The following STK4 variants were observed in gnomAD, a reference collection of about 807,000 sequenced individuals.
The protein encoded by STK4 is serine/threonine kinase 4.
Under a neutral mutation model 64.9 loss-of-function variants are expected in STK4, and 30 were observed. The ratio of observed to expected loss-of-function variants is 0.46; its 90% CI spans 0.35 to 0.63. The LOEUF (loss-of-function observed/expected upper bound fraction) is 0.63. STK4 is among the 20% of genes least tolerant of loss of function. The probability of loss-of-function intolerance (pLI) is 0.01; values close to 1 mark genes in which losing one functional copy is unlikely to be tolerated. For synonymous variants in STK4, 177 were observed against 199.0 expected, an observed-to-expected ratio of 0.89 and a Z score of 0.93; for missense variants, 466 against 598.5, an observed-to-expected ratio of 0.78 and a Z score of 2.31.
chr20:45,006,768 G>A (rs1601251765), intron 9 of STK4, among the ~76,000 whole-genome samples: 3 of 152,230 alleles, frequency 2.0e-5, no homozygotes, highest in South Asian at 2.1e-4. Flanking sequence ...CTTACCTACC[G>A]AAGCAGAAGC....
intron 7 of STK4, among the ~76,000 whole-genome samples, chr20:44,999,796 A>G (rs1034186480): frequency 2.6e-5 from 4 of 152,232 alleles, no homozygotes; most frequent in Non-Finnish European, 5.9e-5. Context: ...TGGAAATGCT[A>G]CCATAGAAAG....
chr20:44,995,298 T>C, intron 6 of STK4, 41 bp downstream of exon 6: 1 of 1,571,382 alleles, frequency 6.4e-7, no homozygotes, highest in Non-Finnish European at 8.6e-7. Context: ...GGTTAGTTAC[T>C]GATCATCATT....
chr20:45,006,418 C>T (rs2067946850), intron 9 of STK4, among the ~76,000 whole-genome samples: 2 of 151,452 alleles, frequency 1.3e-5, no homozygotes, highest in South Asian at 2.1e-4. Context: ...AGATTTTTTT[C>T]TGTTTATCTC....
intron 10 of STK4, among the ~76,000 whole-genome samples, chr20:45,041,677 G>A (rs993699830): frequency 4.4e-5 from 6 of 137,064 alleles, no homozygotes; most frequent in South Asian, 2.3e-4. Context: ...TGTTTTAAGC[G>A]TGTTTAGCTT....
intron 1 of STK4, among the ~76,000 whole-genome samples, chr20:44,970,889 T>TTGTGTGTG (rs60332680): frequency 6.8e-6 from 1 of 148,050 alleles, no homozygotes; most frequent in African/African-American, 2.5e-5. Context: ...AGGTACACAT[T>TTGTGTGTG]TGTGTGTGTG....
intron 9 of STK4, among the ~76,000 whole-genome samples, chr20:45,013,229 G>A (rs1262982989): frequency 6.6e-6 from 1 of 151,968 alleles, no homozygotes; most frequent in Non-Finnish European, 1.5e-5. Flanking sequence ...TTTTGCAGCA[G>A]AATTTGGTCG....
In STK4 at chr20:45,000,385, CT is replaced by C. The variant is rs1281755159; in HGVS notation, c.832-3del. 2.5e-6 allele frequency: 4 copies of C among 1,612,532 alleles called. No individual in the cohort carries two copies. In the African/African-American group the frequency reaches 5.3e-5, roughly 22 times the overall value. ...TGTCTCCAGTATTTTCTACTTTGTT[CT>C]TTTAGCACCCATTTGTCAGGAGTGC... On this transcript the variant is annotated splice_region_variant and splice_polypyrimidine_tract_variant and intron_variant, in intron 7 of 10. Transcript: ENST00000372806.
intron 2 of STK4, chr20:44,975,298 T>C (rs2067320061): frequency 1.1e-6 from 1 of 950,994 alleles, no homozygotes; most frequent in African/African-American, 1.8e-5. Flanking sequence ...TGAAATCTTC[T>C]AACCACCCCC....
At chr20:45,025,888 G>A (rs2068335515) in intron 10 of STK4, among the ~76,000 whole-genome samples, 1 of 152,200 alleles carries the variant, frequency 6.6e-6, no homozygotes, top group South Asian at 2.1e-4. Context: ...GGCCTGTCTA[G>A]TTCTGGCTTT....
chr20:45,037,751 T>C (rs1013716095), intron 10 of STK4, among the ~76,000 whole-genome samples: 28 of 152,132 alleles, frequency 1.8e-4, no homozygotes, highest in Non-Finnish European at 3.8e-4. Context: ...TGAGATTTCT[T>C]TGGGTTTTTA....
At position 44,981,963 on chromosome 20, in the gene STK4, C is replaced by A; in HGVS notation, c.360+20C>A. On this transcript the variant is annotated intron_variant, in intron 4 of 10. Transcript: ENST00000372806. ...AAAACGGTAGGTTTACCTTCTAGAA[C>A]ATGCAACTGAGCTAGTTTCTTATGC... The A allele has an allele frequency of 6.5e-7, 1 of 1,530,438 alleles. No individual in the cohort carries two copies. Among genetic ancestry groups the A allele is most frequent in the Non-Finnish European group, 9.1e-7 (1 of 1,104,168 alleles). The allele number at this position is 1,530,438 out of a possible 1,614,324, so 94.8% of individuals were successfully genotyped here. A position where few individuals can be genotyped will look rare whatever the true frequency, so the allele number is the denominator to read the frequency against.
intron 9 of STK4, among the ~76,000 whole-genome samples, chr20:45,020,464 GTGTATGTTTATGTT>G (rs746682937): frequency 4.3e-4 from 41 of 94,532 alleles, no homozygotes; most frequent in African/African-American, 1.3e-3. Context: ...GTGTGTGTGT[GTGTATGTTTATGTT>G]TATGTTTATG....
chr20:45,021,412 A>G (rs932320091), intron 9 of STK4, among the ~76,000 whole-genome samples: 1 of 152,226 alleles, frequency 6.6e-6, no homozygotes, highest in Non-Finnish European at 1.5e-5. Flanking sequence ...TGTCTTCTTC[A>G]TATAAACTTA....
intron 2 of STK4, chr20:44,974,365 C>T (rs2067302379): frequency 6.6e-6 from 1 of 152,196 alleles, no homozygotes; most frequent in Non-Finnish European, 1.5e-5. Flanking sequence ...TCTGGTATTT[C>T]TTGGATTTCT....
At chr20:45,020,678 T>A (rs2068231123) in intron 9 of STK4, among the ~76,000 whole-genome samples, 1 of 152,166 alleles carries the variant, frequency 6.6e-6, no homozygotes, top group South Asian at 2.1e-4. Flanking sequence ...CTCTGCTCTG[T>A]GGTCAGCTGG....
chr20:44,975,375 A>C (rs960042000), intron 2 of STK4: 8 of 984,488 alleles, frequency 8.1e-6, no homozygotes, highest in Non-Finnish European at 9.6e-6. Context: ...CATGTGAGCT[A>C]TTGGAGTTTT....
At chr20:44,990,246 T>C (rs753374407) in intron 5 of STK4, among the ~76,000 whole-genome samples, 1 of 152,210 alleles carries the variant, frequency 6.6e-6, no homozygotes, top group African/African-American at 2.4e-5. Flanking sequence ...AGTGTACAAG[T>C]TTTGCATGTA....
chr20:45,032,129 T>C (rs1388531135), intron 10 of STK4, among the ~76,000 whole-genome samples: 1 of 152,178 alleles, frequency 6.6e-6, no homozygotes, highest in Non-Finnish European at 1.5e-5. Context: ...ACTTAAATAT[T>C]CTTCTCTCCA....
intron 10 of STK4, chr20:45,053,094 C>T (rs772787493): frequency 3.1e-6 from 5 of 1,611,764 alleles, no homozygotes; most frequent in Non-Finnish European, 4.2e-6. Context: ...AGAAAACTAG[C>T]CAAGAACAGC....
Sources: gnomAD v4.1 joint callset for allele counts (sites outside exome capture counted in the v4.1 genomes callset) on GRCh38, gnomAD v4.1.1 for gene constraint, MANE v1.5 for transcripts, NCBI Gene and HGNC (gene_info 2026-07-23, HGNC 2026-07-21) for gene names.